TMEM230: variants seen among roughly 807,000 people sequenced by gnomAD.
TMEM230 encodes the protein UPF0414 transmembrane protein C20orf30.
In TMEM230, 10 loss-of-function variants were observed where a neutral mutation model predicts 15.8. The ratio of observed to expected loss-of-function variants is 0.63; its 90% CI spans 0.39 to 1.07. The LOEUF is 1.07. Ranked by LOEUF, TMEM230 falls within the 50% of genes least tolerant of loss-of-function variation. The pLI is 0.01. For missense variants in TMEM230, 165 were observed against 193.3 expected (o/e 0.85, Z 0.87); for synonymous variants, 67 against 76.9 (o/e 0.87, Z 0.68).
intron 4 of TMEM230, among the ~76,000 whole-genome samples, chr20:5,103,378 C>G (rs1257423429): frequency 6.6e-6 from 1 of 151,932 alleles, no homozygotes; most frequent in Non-Finnish European, 1.5e-5. Flanking sequence ...GTGGGAGGAT[C>G]GACTGAGCCC....
At chr20:5,070,847 G>A (rs1015379920) in intron 3 of TMEM230, among the ~76,000 whole-genome samples, 1 of 152,094 alleles carries the variant, frequency 6.6e-6, no homozygotes, top group African/African-American at 2.4e-5. Context: ...GCTCACTATA[G>A]CCTTGACCTG....
chr20:5,059,638 G>C, the TMEM230 span, among the ~76,000 whole-genome samples: 2 of 150,004 alleles, frequency 1.3e-5, no homozygotes, highest in Admixed American at 6.6e-5. Flanking sequence ...TTGAGAGAGT[G>C]TCTCAGTGTT....
chr20:5,091,952 T>C (rs2089519164), intron 3 of TMEM230, among the ~76,000 whole-genome samples: 1 of 152,222 alleles, frequency 6.6e-6, no homozygotes, highest in Non-Finnish European at 1.5e-5. Context: ...TTTTGGTTAA[T>C]GTTTATTTGT....
intron 3 of TMEM230, among the ~76,000 whole-genome samples, chr20:5,076,513 C>T (rs2122569333): frequency 6.6e-6 from 1 of 151,862 alleles, no homozygotes; most frequent in Admixed American, 6.6e-5. Context: ...TGCACTCCAG[C>T]CTGGCTGAAA....
intron 3 of TMEM230, among the ~76,000 whole-genome samples, chr20:5,090,153 A>G (rs989531544): frequency 6.6e-6 from 1 of 152,206 alleles, no homozygotes; most frequent in East Asian, 1.9e-4. Flanking sequence ...ATCTAATGAA[A>G]AAATTCCAGA....
chr20:5,073,981 T>C (rs1004034042), intron 3 of TMEM230, among the ~76,000 whole-genome samples: 4 of 151,852 alleles, frequency 2.6e-5, no homozygotes, highest in Non-Finnish European at 5.9e-5. Context: ...TGGTGGAAGG[T>C]GAAGCAGGAG....
At chr20:5,096,759 A>C (rs2089676163), downstream of TMEM230, among the ~76,000 whole-genome samples, 2 of 152,202 alleles carry the variant, frequency 1.3e-5, no homozygotes. Context: ...GTAGGTAGGT[A>C]CTTGCCTACC....
At chr20:5,065,532 A>T (rs535476849), downstream of TMEM230, among the ~76,000 whole-genome samples, 1 of 152,168 alleles carries the variant, frequency 6.6e-6, no homozygotes, top group East Asian at 1.9e-4. Context: ...CCAGCAGGGG[A>T]GAAGTGGCTG....
chr20:5,072,200 A>T (rs2088848963), intron 3 of TMEM230, among the ~76,000 whole-genome samples: 1 of 151,990 alleles, frequency 6.6e-6, no homozygotes, highest in Admixed American at 6.6e-5. Flanking sequence ...ATAGGCATGC[A>T]CCACCATGCC....
chr20:5,106,074 G>GACAA, intron 4 of TMEM230, 114 bp downstream of exon 3: 1 of 1,170,106 alleles, frequency 8.5e-7, no homozygotes, highest in East Asian at 2.9e-5. Flanking sequence ...CACTGGGACG[G>GACAA]ACAAACACAC....
intron 4 of TMEM230, among the ~76,000 whole-genome samples, chr20:5,103,942 G>C (rs2089973218): frequency 6.6e-6 from 1 of 151,996 alleles, no homozygotes; most frequent in South Asian, 2.1e-4. Context: ...AGATAAATGA[G>C]ATCACATCCG....
intron 3 of TMEM230, among the ~76,000 whole-genome samples, chr20:5,092,268 G>A (rs2089530926): frequency 6.6e-6 from 1 of 152,200 alleles, no homozygotes; most frequent in Admixed American, 6.5e-5. Context: ...TTGAGTCGAT[G>A]TTCAGAATGA....
chr20:5,099,904 C>T lies in TMEM230; in HGVS notation c.*887G>A. Reference sequence around the variant, plus strand: ...GATTTGGATTTCAACATTTTAATTTCTTTGGAATATAAGTCACTTTTTGCA... The same window carrying T: ...GATTTGGATTTCAACATTTTAATTTTTTTGGAATATAAGTCACTTTTTGCA... On this transcript the variant is annotated 3_prime_UTR_variant, in exon 5 of 5. Transcript: ENST00000342308. 1 of 983,294 alleles carries T rather than the reference C, an allele frequency of 1.0e-6. No homozygotes were observed. The allele number at this position is 983,294 out of a possible 1,614,324, so 60.9% of individuals were successfully genotyped here.
intron 3 of TMEM230, among the ~76,000 whole-genome samples, chr20:5,073,222 C>A (rs758697630): frequency 2.0e-5 from 3 of 152,176 alleles, no homozygotes; most frequent in Non-Finnish European, 2.9e-5. Flanking sequence ...AAAATCCCAG[C>A]GCTTACACAA....
chr20:5,112,431 T>C (rs747502489), intron 1 of TMEM230, among the ~76,000 whole-genome samples: 2 of 152,184 alleles, frequency 1.3e-5, no homozygotes, highest in Non-Finnish European at 2.9e-5. Context: ...TAACTTGCAA[T>C]TAGACTTTTT....
intron 3 of TMEM230, among the ~76,000 whole-genome samples, chr20:5,073,644 G>A (rs2088898292): frequency 6.6e-6 from 1 of 152,236 alleles, no homozygotes; most frequent in African/African-American, 2.4e-5. Flanking sequence ...TGGGTAGTGG[G>A]AGTTGATGCA....
At chr20:5,103,550 T>C (rs1415116708) in intron 4 of TMEM230, among the ~76,000 whole-genome samples, 1 of 149,510 alleles carries the variant, frequency 6.7e-6, no homozygotes, top group Non-Finnish European at 1.5e-5. Context: ...GTGGTCCCAG[T>C]TATTTGGGAG....
intron 4 of TMEM230, among the ~76,000 whole-genome samples, chr20:5,102,433 G>A (rs1018062683): frequency 6.6e-6 from 1 of 152,138 alleles, no homozygotes; most frequent in African/African-American, 2.4e-5. Context: ...GTTCACTCCT[G>A]TAATCCCAGC....
intron 3 of TMEM230, among the ~76,000 whole-genome samples, chr20:5,108,798 A>T (rs1291672945): frequency 6.6e-6 from 1 of 152,248 alleles, no homozygotes; most frequent in Non-Finnish European, 1.5e-5. Flanking sequence ...TAGGATACAA[A>T]CTTAATAAAT....
Sources: allele counts gnomAD v4.1 joint callset (sites outside exome capture counted in the v4.1 genomes callset), GRCh38; gene constraint gnomAD v4.1.1; transcripts MANE v1.5; gene names NCBI Gene and HGNC (gene_info 2026-07-23, HGNC 2026-07-21).